Variants in MAP3K3 observed in about 807,000 individuals in gnomAD.
MAP3K3 encodes mitogen-activated protein kinase kinase kinase 3.
In MAP3K3, 12 loss-of-function variants were observed where a neutral mutation model predicts 80.9. The ratio of observed to expected loss-of-function variants is 0.15; its 90% CI spans 0.10 to 0.24. MAP3K3 has a LOEUF of 0.24. MAP3K3 is among the 10% of genes least tolerant of loss of function. MAP3K3 has a pLI of 1.00. For synonymous variants in MAP3K3, 272 were observed against 307.1 expected (o/e 0.89, Z 1.19); for missense variants, 596 against 834.7 (o/e 0.71, Z 3.52).
rs1237209122 is a variant in MAP3K3 at position 63,693,524 on chromosome 17, G to T, written c.1653-25G>T. The T allele has an allele frequency of 6.3e-7, 1 of 1,585,144 alleles. No homozygotes were observed. The highest frequency in any genetic ancestry group is 8.6e-7 in the Non-Finnish European group (1 of 1,165,124). On this transcript the variant is annotated intron_variant, in intron 15 of 15. Transcript: ENST00000361733. The surrounding 1 kb of genome is among the most constrained non-coding windows in gnomAD (Gnocchi z 4.2). The stretch of plus-strand genomic sequence containing the variant: ...CTGGGAGTCCAGGGCTGGCTGAGGG[G>T]TGACACGGGGTTCTCTCTTTCCAGG...
chr17:63,650,880 A>G (rs887462673), intron 3 of MAP3K3, among the ~76,000 whole-genome samples: 3 of 152,012 alleles, frequency 2.0e-5, no homozygotes, highest in African/African-American at 7.2e-5. Flanking sequence ...AATGTTTAGT[A>G]GGCAGGAGGG....
At chr17:63,678,193 T>C (rs1452706265) in intron 6 of MAP3K3, among the ~76,000 whole-genome samples, 1 of 152,114 alleles carries the variant, frequency 6.6e-6, no homozygotes, top group Admixed American at 6.5e-5. Context: ...ATGATGATAA[T>C]GCACCACCAC....
chr17:63,672,085 C>A (rs538896079), intron 6 of MAP3K3, among the ~76,000 whole-genome samples: 117 of 151,882 alleles, frequency 7.7e-4, no homozygotes, highest in Admixed American at 7.7e-3. Flanking sequence ...GAGTTTGAAA[C>A]CAACCTGACC....
chr17:63,645,227 C>T (rs1266250974), intron 2 of MAP3K3, among the ~76,000 whole-genome samples: 2 of 152,010 alleles, frequency 1.3e-5, no homozygotes, highest in Admixed American at 1.3e-4. Flanking sequence ...CGTTTGAACC[C>T]GGGAGACGGA....
At chr17:63,670,072 C>T (rs1406936312) in intron 6 of MAP3K3, among the ~76,000 whole-genome samples, 1 of 151,100 alleles carries the variant, frequency 6.6e-6, no homozygotes, top group African/African-American at 2.4e-5. Context: ...CATGGTACTC[C>T]AGCCTGGGCA....
At chr17:63,678,872 A>T (rs1431663860) in intron 6 of MAP3K3, among the ~76,000 whole-genome samples, 3 of 152,008 alleles carry the variant, frequency 2.0e-5, no homozygotes, top group Non-Finnish European at 2.9e-5. Flanking sequence ...TCTACTAAAA[A>T]TATAAGAATT....
intron 6 of MAP3K3, among the ~76,000 whole-genome samples, chr17:63,678,508 T>TA (rs1300121455): frequency 1.4e-4 from 21 of 152,314 alleles, no homozygotes; most frequent in African/African-American, 4.8e-4. Context: ...CAGAGCAATT[T>TA]TGTTTCTGGC....
intron 8 of MAP3K3, 146 bp from the exon 9 acceptor site, chr17:63,688,381 T>C (rs2035505083): frequency 1.5e-6 from 1 of 675,680 alleles, no homozygotes; most frequent in African/African-American, 1.8e-5. Flanking sequence ...AAGCAGGAGC[T>C]GGGCTCAGAA....
intron 3 of MAP3K3, among the ~76,000 whole-genome samples, chr17:63,650,058 A>G (rs945402267): frequency 6.6e-6 from 1 of 152,122 alleles, no homozygotes; most frequent in African/African-American, 2.4e-5. Flanking sequence ...TTGCTCCAAC[A>G]CACACTAGTC....
intron 3 of MAP3K3, among the ~76,000 whole-genome samples, chr17:63,650,042 T>C (rs2034618993): frequency 6.6e-6 from 1 of 152,194 alleles, no homozygotes; most frequent in South Asian, 2.1e-4. Context: ...CATGGCTGAA[T>C]ACTGCTTGCT....
Position 63,689,792 on chromosome 17 carries a change from G to A in MAP3K3, c.1063+57G>A, listed in dbSNP as rs1057348341. Reference sequence around the variant, plus strand: ...GCCCAGGTGGTCTCAGACAAGCTACGGGGGCAAACAGCTGGGCCCCTGGGA... The same window carrying A: ...GCCCAGGTGGTCTCAGACAAGCTACAGGGGCAAACAGCTGGGCCCCTGGGA... On this transcript the variant is annotated intron_variant, in intron 11 of 15. Transcript: ENST00000361733. The surrounding 1 kb of genome is among the most constrained non-coding windows in gnomAD (Gnocchi z 4.3). 3.3e-5 allele frequency: 50 copies of A among 1,516,856 alleles called. No individual in the cohort carries two copies. The highest frequency in any genetic ancestry group is 1.8e-4 in the Middle Eastern group (1 of 5,664). 94.0% of individuals were successfully genotyped at this position (1,516,856 alleles called of 1,614,324 possible). A position where few individuals can be genotyped will look rare whatever the true frequency, so the allele number is the denominator to read the frequency against.
intron 3 of MAP3K3, among the ~76,000 whole-genome samples, chr17:63,650,808 C>T (rs927522651): frequency 6.6e-6 from 1 of 151,898 alleles, no homozygotes; most frequent in Non-Finnish European, 1.5e-5. Context: ...CCTCCCACCT[C>T]AGCCTCCCAA....
chr17:63,691,187 A>G lies in MAP3K3; in HGVS notation c.1298A>G (p.Asp433Gly), dbSNP rs766174733. The G allele has an allele frequency of 3.7e-6, 6 of 1,614,032 alleles. No homozygotes were observed. The highest frequency in any genetic ancestry group is 5.1e-6 in the Non-Finnish European group (6 of 1,180,032). The change falls in exon 13 of 16, where the codon GAC becomes GGC. Residue 433 changes from aspartate (D) to glycine (G), a missense_variant. Physicochemically the swap from Asp to Gly is moderately conservative, Grantham distance 94. Transcript: ENST00000361733. The surrounding 1 kb of genome is among the most constrained non-coding windows in gnomAD (Gnocchi z 4.8). Reference sequence around the variant, plus strand: ...GTGCAGTACTATGGCTGTCTGCGGGACCGCGCTGAGAAGACCCTGACCATC... The same window carrying G: ...GTGCAGTACTATGGCTGTCTGCGGGGCCGCGCTGAGAAGACCCTGACCATC... ...RIVQYYGCLRDRAEKTLTIFM... is the reference protein window; with the variant it reads ...RIVQYYGCLRGRAEKTLTIFM...
intron 6 of MAP3K3, 49 bp downstream of exon 6, chr17:63,667,109 T>G: frequency 6.5e-7 from 1 of 1,528,530 alleles, no homozygotes; most frequent in Non-Finnish European, 8.8e-7. Context: ...TCTGCCCACA[T>G]TTTAAAAAAG....
chr17:63,661,132 C>T (rs919838730), intron 5 of MAP3K3, among the ~76,000 whole-genome samples: 15 of 151,614 alleles, frequency 9.9e-5, no homozygotes, highest in African/African-American at 3.4e-4. Flanking sequence ...TTGCAACCTC[C>T]GCCTCCCAGA....
chr17:63,671,052 G>A (rs578133861), intron 6 of MAP3K3, among the ~76,000 whole-genome samples: 21 of 152,250 alleles, frequency 1.4e-4, no homozygotes, highest in African/African-American at 4.8e-4. Flanking sequence ...GCATGCAAGG[G>A]AACTGCATTA....
intron 7 of MAP3K3, chr17:63,682,255 G>A (rs1871996011): frequency 5.9e-6 from 1 of 170,496 alleles, no homozygotes; most frequent in African/African-American, 2.4e-5. Flanking sequence ...GACAGGTTAT[G>A]TTTTTCATTG....
intron 2 of MAP3K3, among the ~76,000 whole-genome samples, chr17:63,645,252 G>A (rs763128893): frequency 5.3e-5 from 8 of 151,996 alleles, no homozygotes; most frequent in African/African-American, 7.3e-5. Flanking sequence ...GCGGTGAGCC[G>A]ATATTGTGCT....
At chr17:63,677,994 G>A (rs1226844860) in intron 6 of MAP3K3, among the ~76,000 whole-genome samples, 1 of 152,224 alleles carries the variant, frequency 6.6e-6, no homozygotes, top group Non-Finnish European at 1.5e-5. Context: ...GGCCTGGCCA[G>A]TTCAAGGAGA....
Sources: gnomAD v4.1 joint callset for allele counts (sites outside exome capture counted in the v4.1 genomes callset) on GRCh38, gnomAD v4.1.1 for gene constraint, Gnocchi (gnomAD v3.1) non-coding constraint, MANE v1.5 for transcripts, NCBI Gene and HGNC (gene_info 2026-07-23, HGNC 2026-07-21) for gene names.